Variants in EFCAB6 observed in about 807,000 individuals in gnomAD.
EFCAB6 encodes EF-hand calcium binding domain 6.
EFCAB6 carries 156 observed loss-of-function variants against 169.8 expected under a neutral mutation model. The observed-to-expected ratio is 0.92, with a 90% confidence interval of 0.81 to 1.05. EFCAB6 has a LOEUF of 1.05. Among genes scored for constraint, EFCAB6 ranks in the 50% least tolerant of loss-of-function variants. The pLI, the probability that EFCAB6 is intolerant of heterozygous loss-of-function variation, is 0.00. For missense variants in EFCAB6, 1,800 were observed against 1,829.1 expected (o/e 0.98, Z 0.29); for synonymous variants, 698 against 676.4 (o/e 1.03, Z -0.50).
chr22:43,648,672 C>T (rs368089667), intron 17 of EFCAB6, among the ~76,000 whole-genome samples: 3 of 152,156 alleles, frequency 2.0e-5, no homozygotes, highest in South Asian at 2.1e-4. Context: ...AAAATACCCA[C>T]GTAACAAACC....
intron 10 of EFCAB6, among the ~76,000 whole-genome samples, chr22:43,695,939 A>G (rs1364946052): frequency 6.6e-6 from 1 of 152,030 alleles, no homozygotes. Context: ...CCCCCAAAAT[A>G]TTACCCATAA....
intron 25 of EFCAB6, among the ~76,000 whole-genome samples, chr22:43,579,813 T>C (rs2050596944): frequency 6.6e-6 from 1 of 151,764 alleles, no homozygotes; most frequent in Non-Finnish European, 1.5e-5. Flanking sequence ...CACGCAGGCA[T>C]CATTCCCTAC....
At chr22:43,656,547 A>T (rs2056753786) in intron 17 of EFCAB6, among the ~76,000 whole-genome samples, 1 of 152,184 alleles carries the variant, frequency 6.6e-6, no homozygotes, top group African/African-American at 2.4e-5. Flanking sequence ...TGATGCCATA[A>T]GATTATATCA....
chr22:43,641,441 C>T (rs1433203587), intron 17 of EFCAB6, among the ~76,000 whole-genome samples: 2 of 151,918 alleles, frequency 1.3e-5, no homozygotes, highest in Non-Finnish European at 1.5e-5. Context: ...CATGGTGAAA[C>T]CCTGTCTCTA....
At chr22:43,578,773 T>G (rs1248248120) in intron 25 of EFCAB6, among the ~76,000 whole-genome samples, 1 of 151,666 alleles carries the variant, frequency 6.6e-6, no homozygotes, top group South Asian at 2.1e-4. Context: ...CAAGCAGGCA[T>G]CATACCCTAC....
At chr22:43,583,195 T>C (rs1394639133) in intron 24 of EFCAB6, among the ~76,000 whole-genome samples, 5 of 152,040 alleles carry the variant, frequency 3.3e-5, no homozygotes, top group African/African-American at 9.7e-5. Flanking sequence ...ACAGGAAAGA[T>C]GTTTCTTGCC....
At chr22:43,573,013 C>T (rs2049992462) in intron 26 of EFCAB6, among the ~76,000 whole-genome samples, 1 of 152,178 alleles carries the variant, frequency 6.6e-6, no homozygotes, top group Non-Finnish European at 1.5e-5. Context: ...GGCGAAAAGG[C>T]AGGAGAGAAC....
intron 22 of EFCAB6, among the ~76,000 whole-genome samples, chr22:43,601,827 T>A (rs2052545702): frequency 6.6e-6 from 1 of 152,228 alleles, no homozygotes; most frequent in Non-Finnish European, 1.5e-5. Flanking sequence ...AAAGGCCATG[T>A]GGGCCTGTCC....
At chr22:43,647,229 C>T (rs2056217099) in intron 17 of EFCAB6, among the ~76,000 whole-genome samples, 1 of 151,822 alleles carries the variant, frequency 6.6e-6, no homozygotes, top group African/African-American at 2.4e-5. Context: ...ACCTATTAAC[C>T]ATGGCTACAA....
At chr22:43,540,475 G>A in intron 27 of EFCAB6, 118 bp from the exon 28 acceptor site, 1 of 1,560,458 alleles carries the variant, frequency 6.4e-7, no homozygotes, top group Non-Finnish European at 8.6e-7. Flanking sequence ...TCACGTGACT[G>A]GTGAAGAAGA....
chr22:43,532,693 T>C (rs377670477), intron 30 of EFCAB6, among the ~76,000 whole-genome samples: 11 of 152,118 alleles, frequency 7.2e-5, no homozygotes, highest in East Asian at 1.9e-4. Context: ...ATTGCAAAAC[T>C]AGCTGTGAAG....
chr22:43,637,152 T>A (rs2055468322), intron 17 of EFCAB6, among the ~76,000 whole-genome samples: 2 of 152,110 alleles, frequency 1.3e-5, no homozygotes, highest in African/African-American at 4.8e-5. Context: ...TGAGCCCACC[T>A]CCCACCTGCC....
At chr22:43,597,095 T>A (rs918158595) in intron 23 of EFCAB6, among the ~76,000 whole-genome samples, 2 of 152,012 alleles carry the variant, frequency 1.3e-5, no homozygotes, top group Admixed American at 1.3e-4. Flanking sequence ...CAGACAAAAA[T>A]CAACTCAAAA....
At position 43,738,745 on chromosome 22, in the gene EFCAB6, C is replaced by T. The variant is rs570298305; in HGVS notation, c.508-2752G>A. Among the ~76,000 whole-genome samples, 4 of 152,290 alleles carry T rather than the reference C, an allele frequency of 2.6e-5. No homozygotes were observed. In the East Asian group the frequency reaches 7.7e-4, roughly 29 times the overall value. On this transcript the variant is annotated intron_variant, in intron 6 of 31. Coordinates refer to ENST00000262726, the MANE Select transcript of EFCAB6 (RefSeq NM_022785.4). ...CTTTCCTAACCTCCAATTTCTCCTT[C>T]CACCTCCTGCTTTACTGACAACCTT... is the stretch of plus-strand genomic sequence containing the variant.
chr22:43,736,147 G>A (rs924079878), intron 6 of EFCAB6, among the ~76,000 whole-genome samples, 154 bp from the exon 7 acceptor site: 3 of 152,042 alleles, frequency 2.0e-5, no homozygotes, highest in African/African-American at 7.2e-5. Flanking sequence ...ACATGTCTAC[G>A]GAAAAAGAAC....
intron 10 of EFCAB6, among the ~76,000 whole-genome samples, chr22:43,694,713 C>T (rs1353088145): frequency 6.6e-6 from 1 of 151,922 alleles, no homozygotes; most frequent in Non-Finnish European, 1.5e-5. Flanking sequence ...AAACTACATG[C>T]TCATTAGGAT....
intron 6 of EFCAB6, among the ~76,000 whole-genome samples, chr22:43,751,439 C>G (rs2060758093): frequency 6.6e-6 from 1 of 152,234 alleles, no homozygotes; most frequent in Non-Finnish European, 1.5e-5. Context: ...TGGCAACACA[C>G]TGCATCTTTG....
chr22:43,716,639 A>T, intron 9 of EFCAB6: 1 of 466,188 alleles, frequency 2.1e-6, no homozygotes, highest in South Asian at 7.9e-5. Context: ...CAAAGGATGT[A>T]CTTAAAAATT....
chr22:43,679,599 G>A (rs1028257994), intron 12 of EFCAB6, among the ~76,000 whole-genome samples: 2 of 152,124 alleles, frequency 1.3e-5, no homozygotes, highest in African/African-American at 4.8e-5. Context: ...ATTTTCACTA[G>A]CAGTATATGA....
Sources: gnomAD v4.1 joint callset for allele counts (sites outside exome capture counted in the v4.1 genomes callset) on GRCh38, gnomAD v4.1.1 for gene constraint, MANE v1.5 for transcripts, NCBI Gene and HGNC (gene_info 2026-07-23, HGNC 2026-07-21) for gene names.